The following PLA1A variants were observed in gnomAD, a reference collection of about 807,000 sequenced individuals.
PLA1A encodes the protein phospholipase A1 member A.
Under a neutral mutation model 49.4 loss-of-function variants are expected in PLA1A, and 47 were observed. The ratio of observed to expected loss-of-function variants is 0.95; its 90% CI spans 0.75 to 1.21. The LOEUF is 1.21. Among genes scored for constraint, PLA1A ranks in the 50% most tolerant of loss-of-function variants. The pLI is 0.00. For missense variants in PLA1A, 561 were observed against 563.9 expected, an observed-to-expected ratio of 0.99 and a Z score of 0.05; for synonymous variants, 224 against 207.9, an observed-to-expected ratio of 1.08 and a Z score of -0.67.
At chr3:119,627,817 TGCCTTGCACTCA>T (rs576912099) in intron 9 of PLA1A, among the ~76,000 whole-genome samples, 395 of 152,350 alleles carry the variant, frequency 2.6e-3, no homozygotes, top group African/African-American at 9.0e-3. Context: ...GGCTGGGCTG[TGCCTTGCACTCA>T]GCGTGAAGAC....
intron 8 of PLA1A, among the ~76,000 whole-genome samples, chr3:119,620,950 C>T (rs2082920619): frequency 1.3e-5 from 2 of 152,360 alleles, no homozygotes; most frequent in Admixed American, 6.5e-5. Context: ...AAACTCTATA[C>T]TCCTTCCTCA....
At chr3:119,614,265 G>A (rs1316714989) in intron 5 of PLA1A, among the ~76,000 whole-genome samples, 1 of 152,168 alleles carries the variant, frequency 6.6e-6, no homozygotes, top group Non-Finnish European at 1.5e-5. Flanking sequence ...AAAGCCCACA[G>A]GCCTCTTCCT....
intron 8 of PLA1A, chr3:119,620,141 T>C (rs1192601965): frequency 2.2e-6 from 1 of 456,808 alleles, no homozygotes; most frequent in African/African-American, 2.0e-5. Context: ...ATGCTGGTGA[T>C]TGTAACGATG....
rs771088910 is a variant in PLA1A, at chr3:119,609,595, C to T, written c.562+19C>T. On this transcript the variant is annotated intron_variant, in intron 4 of 10. Coordinates refer to ENST00000273371, the MANE Select transcript of PLA1A (RefSeq NM_015900.4). The stretch of plus-strand genomic sequence containing the variant: ...ATCACAGGTAACATTCCTCCCTGCC[C>T]ATCCTCCAGGCTTTAGAGATAGAGA... The T allele has an allele frequency of 1.5e-6, 2 of 1,303,386 alleles. No individual in the cohort carries two copies. The highest frequency in any genetic ancestry group is 2.2e-6 in the Non-Finnish European group (2 of 905,394). 80.7% of individuals were successfully genotyped at this position (1,303,386 alleles called of 1,614,324 possible).
intron 9 of PLA1A, 69 bp from the exon 10 acceptor site, chr3:119,628,632 G>A (rs569247768): frequency 1.0e-5 from 15 of 1,458,270 alleles, no homozygotes; most frequent in Middle Eastern, 1.8e-4. Context: ...GAGCCCGATC[G>A]GAGCCAAAGG....
At chr3:119,606,314 C>T (rs1349512203) in intron 1 of PLA1A, among the ~76,000 whole-genome samples, 1 of 152,190 alleles carries the variant, frequency 6.6e-6, no homozygotes, top group Non-Finnish European at 1.5e-5. Context: ...ACAACATCCT[C>T]CCTCTGTCTG....
chr3:119,612,829 G>T (rs886472867), intron 4 of PLA1A, among the ~76,000 whole-genome samples, 188 bp from the exon 5 acceptor site: 1 of 152,170 alleles, frequency 6.6e-6, no homozygotes, highest in African/African-American at 2.4e-5. Flanking sequence ...TCATTGAGAG[G>T]TTACCTCTAG....
intron 6 of PLA1A, among the ~76,000 whole-genome samples, 196 bp from the exon 7 acceptor site, chr3:119,617,823 T>C (rs1227369565): frequency 2.0e-5 from 3 of 152,186 alleles, no homozygotes; most frequent in Non-Finnish European, 2.9e-5. Flanking sequence ...TATGCTTATG[T>C]ATCTCAGGAA....
chr3:119,629,093 T>C (rs979049013), intron 10 of PLA1A, among the ~76,000 whole-genome samples: 1 of 152,212 alleles, frequency 6.6e-6, no homozygotes, highest in African/African-American at 2.4e-5. Flanking sequence ...AAGATTTTAT[T>C]AGAACAAAGT....
At chr3:119,599,035 A>C (rs1430105379) in intron 1 of PLA1A, among the ~76,000 whole-genome samples, 1 of 152,224 alleles carries the variant, frequency 6.6e-6, no homozygotes, top group Non-Finnish European at 1.5e-5. Flanking sequence ...TGTATAGAGC[A>C]GATGTCCAGT....
intron 4 of PLA1A, among the ~76,000 whole-genome samples, chr3:119,609,862 C>T (rs571546425): frequency 6.6e-6 from 1 of 152,190 alleles, no homozygotes; most frequent in African/African-American, 2.4e-5. Context: ...TTTACGTGTG[C>T]AGGTTTATTA....
chr3:119,615,671 G>A (rs780889539), intron 5 of PLA1A, among the ~76,000 whole-genome samples: 88 of 152,048 alleles, frequency 5.8e-4, no homozygotes, highest in Non-Finnish European at 1.1e-3. Context: ...AAAACTAGCC[G>A]GGTGTGGTGG....
chr3:119,613,589 G>T (rs1482606960), intron 5 of PLA1A, among the ~76,000 whole-genome samples: 8 of 152,154 alleles, frequency 5.3e-5, no homozygotes, highest in Admixed American at 5.2e-4. Context: ...TCAGTCCAGT[G>T]GAGAATAAGA....
intron 2 of PLA1A, 48 bp downstream of exon 2, chr3:119,607,023 T>A: frequency 7.0e-7 from 1 of 1,435,286 alleles, no homozygotes; most frequent in Non-Finnish European, 9.8e-7. Context: ...AATGATCAAG[T>A]AACCATAATA....
rs1047556308 is a variant in PLA1A at position 119,619,960 on chromosome 3, C to G, written c.1012+308C>G. 1.8e-4 allele frequency: 79 copies of G among 450,690 alleles called. 1 individual carries two copies. The highest frequency in any genetic ancestry group is 1.3e-3 in the South Asian group (72 of 57,136). 27.9% of individuals were successfully genotyped at this position (450,690 alleles called of 1,614,324 possible). On this transcript the variant is annotated intron_variant, in intron 8 of 10. Transcript: ENST00000273371. The stretch of plus-strand genomic sequence containing the variant: ...GTCCTCCGGCTGCCTCCTTTCTGCA[C>G]TCTCATTTCCCACTTCTTGGCGCCC...
At chr3:119,614,050 G>T (rs1181518421) in intron 5 of PLA1A, among the ~76,000 whole-genome samples, 2 of 152,198 alleles carry the variant, frequency 1.3e-5, no homozygotes, top group Non-Finnish European at 2.9e-5. Flanking sequence ...TGCCTGTGGG[G>T]TCTGTGCTTA....
intron 9 of PLA1A, among the ~76,000 whole-genome samples, chr3:119,626,914 C>T (rs2107802426): frequency 6.6e-6 from 1 of 152,270 alleles, no homozygotes; most frequent in South Asian, 2.1e-4. Flanking sequence ...TGTGCTACTT[C>T]TAGAAGGGTG....
At chr3:119,625,031 C>T in intron 8 of PLA1A, 93 bp from the exon 9 acceptor site, 1 of 743,056 alleles carries the variant, frequency 1.3e-6, no homozygotes, top group Non-Finnish European at 2.4e-6. Context: ...AGAGATAGAG[C>T]CAAGATTCCC....
At chr3:119,624,873 C>T (rs2052493575) in intron 8 of PLA1A, among the ~76,000 whole-genome samples, 1 of 152,200 alleles carries the variant, frequency 6.6e-6, no homozygotes, top group Non-Finnish European at 1.5e-5. Flanking sequence ...TCAGGTGATC[C>T]ACTCGCCTCG....
Sources: allele counts gnomAD v4.1 joint callset (sites outside exome capture counted in the v4.1 genomes callset), GRCh38; gene constraint gnomAD v4.1.1; transcripts MANE v1.5; gene names NCBI Gene and HGNC (gene_info 2026-07-23, HGNC 2026-07-21).